CASR: variants seen among roughly 807,000 people sequenced by gnomAD.
CASR encodes the protein extracellular calcium-sensing receptor.
CASR carries 23 observed loss-of-function variants against 69.1 expected under a neutral mutation model. The ratio of observed to expected loss-of-function variants is 0.33; its 90% confidence interval spans 0.24 to 0.47. The LOEUF is 0.47. Ranked by LOEUF, CASR falls within the 20% of genes least tolerant of loss-of-function variation. The pLI is 1.00. For synonymous variants in CASR, 541 were observed against 544.7 expected (o/e 0.99, Z 0.10); for missense variants, 924 against 1,356.1 (o/e 0.68, Z 5.00).
intron 4 of CASR, among the ~76,000 whole-genome samples, chr3:122,264,109 GA>G (rs35559285): frequency 6.9e-6 from 1 of 145,668 alleles, no homozygotes; most frequent in African/African-American, 2.5e-5. Context: ...GGACCTGTGA[GA>G]AAAAAAAAAA....
chr3:122,187,006 A>G (rs1162201721), intron 1 of CASR, among the ~76,000 whole-genome samples: 1 of 152,246 alleles, frequency 6.6e-6, no homozygotes, highest in Non-Finnish European at 1.5e-5. Context: ...TTGCTTTATA[A>G]TTAAATGTTT....
rs530702578 is a variant in CASR at position 122,275,117 on chromosome 3, G to A, written c.1378-695G>A. The stretch of plus-strand genomic sequence containing the variant: ...TAATGGATATAAAGTACTTAGGGTC[G>A]TGCCTCAATGGTAGTAAAATGACTG... On this transcript the variant is annotated intron_variant, in intron 4 of 6. Transcript: ENST00000639785. Among the ~76,000 whole-genome samples the A allele has an allele frequency of 8.5e-5, 13 of 152,328 alleles. No homozygotes were observed. The South Asian group carries it at 1.0e-3, about 12-fold the overall frequency.
chr3:122,283,309 G>C (rs960902757), intron 6 of CASR, among the ~76,000 whole-genome samples: 3 of 152,210 alleles, frequency 2.0e-5, no homozygotes, highest in African/African-American at 4.8e-5. Context: ...ATCAGGCTAA[G>C]CTTGAATCAT....
chr3:122,243,450 A>G (rs901760593), intron 1 of CASR, among the ~76,000 whole-genome samples: 9 of 152,204 alleles, frequency 5.9e-5, no homozygotes, highest in Non-Finnish European at 1.2e-4. Context: ...CATCAAAGTA[A>G]TGCAAATCAA....
At chr3:122,236,318 T>C (rs757515424) in intron 1 of CASR, among the ~76,000 whole-genome samples, 13 of 152,212 alleles carry the variant, frequency 8.5e-5, no homozygotes, top group Non-Finnish European at 1.0e-4. Context: ...TAGAGGCAAC[T>C]GAATGTAGCA....
At chr3:122,216,731 A>G (rs570958107) in intron 1 of CASR, among the ~76,000 whole-genome samples, 2 of 152,340 alleles carry the variant, frequency 1.3e-5, no homozygotes, top group South Asian at 4.1e-4. Flanking sequence ...GGGTGTTATT[A>G]TTATTAATAC....
intron 1 of CASR, among the ~76,000 whole-genome samples, chr3:122,185,051 T>C (rs2073764827): frequency 6.6e-6 from 1 of 151,934 alleles, no homozygotes; most frequent in South Asian, 2.1e-4. Flanking sequence ...TCCCGGGGCC[T>C]GAGCACCAGC....
At chr3:122,250,268 A>G (rs532959851) in intron 1 of CASR, among the ~76,000 whole-genome samples, 2 of 152,254 alleles carry the variant, frequency 1.3e-5, no homozygotes, top group East Asian at 3.9e-4. Context: ...GACCCTGACA[A>G]CTGAACTCAA....
chr3:122,234,841 A>G (rs527652554), intron 1 of CASR, among the ~76,000 whole-genome samples: 1 of 152,378 alleles, frequency 6.6e-6, no homozygotes, highest in Admixed American at 6.5e-5. Flanking sequence ...CATTAGCAAC[A>G]GAGAATCTTC....
At chr3:122,251,053 G>T (rs2074477915) in intron 1 of CASR, among the ~76,000 whole-genome samples, 1 of 152,178 alleles carries the variant, frequency 6.6e-6, no homozygotes, top group African/African-American at 2.4e-5. Flanking sequence ...TCAGAAAACT[G>T]GGATGGTCAT....
chr3:122,266,117 G>A (rs944444131), intron 4 of CASR, among the ~76,000 whole-genome samples: 2 of 151,944 alleles, frequency 1.3e-5, no homozygotes, highest in East Asian at 3.9e-4. Flanking sequence ...AGACCAGAGT[G>A]GGGGGGTTTC....
At chr3:122,203,880 T>A (rs935629989) in intron 1 of CASR, among the ~76,000 whole-genome samples, 8 of 152,238 alleles carry the variant, frequency 5.3e-5, no homozygotes, top group Non-Finnish European at 1.2e-4. Context: ...ATATTTAGAT[T>A]TTCTTTAATG....
At position 122,283,962 on chromosome 3, in the gene CASR, G is replaced by C. The variant is rs2074927550; in HGVS notation, c.2008G>C (p.Gly670Arg). 4 of 1,613,218 alleles carry C rather than the reference G, an allele frequency of 2.5e-6. No individual in the cohort carries two copies. The highest frequency in any genetic ancestry group is 3.4e-6 in the Non-Finnish European group (4 of 1,179,824). Residue 670 changes from glycine to arginine, a missense_variant, in exon 7 of 7, where the codon GGG becomes CGG. Transcript: ENST00000639785. ...CTTCTCCAGCTCCCTGTTCTTCATC[G>C]GGGAGCCCCAGGACTGGACGTGCCG... ...CCFSSSLFFIGEPQDWTCRLR... is the reference protein window; with the variant it reads ...CCFSSSLFFIREPQDWTCRLR...
At chr3:122,189,789 C>T (rs1470685583) in intron 1 of CASR, among the ~76,000 whole-genome samples, 1 of 152,182 alleles carries the variant, frequency 6.6e-6, no homozygotes, top group African/African-American at 2.4e-5. Flanking sequence ...AAAGAAATTG[C>T]AGTTGTACCC....
At chr3:122,247,523 C>T (rs4677907) in intron 1 of CASR, 25,389 of 152,198 alleles carry the variant, frequency 0.17, 2,195 homozygotes, top group Non-Finnish European at 0.18. Context: ...TTCATACATC[C>T]GTCAGCAGAG....
intron 1 of CASR, chr3:122,245,573 A>G (rs1237448880): frequency 6.6e-6 from 1 of 152,200 alleles, no homozygotes; most frequent in East Asian, 1.9e-4. Flanking sequence ...AACATGGCAC[A>G]TGTATACATG....
At chr3:122,214,910 A>G (rs1048003475) in intron 1 of CASR, among the ~76,000 whole-genome samples, 3 of 152,192 alleles carry the variant, frequency 2.0e-5, no homozygotes, top group African/African-American at 7.2e-5. Flanking sequence ...TTCTTCAGTC[A>G]TTTATTAACC....
chr3:122,277,052 T>C (rs1394843368), intron 5 of CASR, among the ~76,000 whole-genome samples: 1 of 149,728 alleles, frequency 6.7e-6, no homozygotes, highest in Non-Finnish European at 1.5e-5. Flanking sequence ...ACTTTTCTTT[T>C]TTTTTTTTTT....
At chr3:122,218,771 G>T (rs1027672082) in intron 1 of CASR, among the ~76,000 whole-genome samples, 1 of 152,190 alleles carries the variant, frequency 6.6e-6, no homozygotes, top group Non-Finnish European at 1.5e-5. Flanking sequence ...GAACTGAAGA[G>T]TTGACAATAT....
Sources: gnomAD v4.1 joint callset for allele counts (sites outside exome capture counted in the v4.1 genomes callset) on GRCh38, gnomAD v4.1.1 for gene constraint, MANE v1.5 for transcripts, NCBI Gene and HGNC (gene_info 2026-07-23, HGNC 2026-07-21) for gene names.